Variants in IKBKB-DT observed in about 807,000 individuals in gnomAD.
IKBKB-DT encodes IKBKB divergent transcript, also known as IKBKB antisense RNA.
chr8:42,239,172 C>T (rs1485429424), intron 3 of IKBKB-DT, among the ~76,000 whole-genome samples: 2 of 152,030 alleles, frequency 1.3e-5, no homozygotes, highest in African/African-American at 4.8e-5. Context: ...AGTCTAATGC[C>T]CCAAAAGTCC....
At chr8:42,259,172 T>C (rs992325080) in intron 3 of IKBKB-DT, among the ~76,000 whole-genome samples, 2 of 152,060 alleles carry the variant, frequency 1.3e-5, no homozygotes, top group Non-Finnish European at 2.9e-5. Context: ...ATTAAAGGCA[T>C]GCACCACCAT....
intron 3 of IKBKB-DT, among the ~76,000 whole-genome samples, chr8:42,236,042 C>A (rs1043886252): frequency 2.6e-5 from 4 of 151,624 alleles, no homozygotes; most frequent in African/African-American, 7.3e-5. Flanking sequence ...ACAACAACAA[C>A]AAAAAACAAA....
intron 3 of IKBKB-DT, among the ~76,000 whole-genome samples, chr8:42,254,386 C>G (rs1807167219): frequency 6.6e-6 from 1 of 152,214 alleles, no homozygotes; most frequent in African/African-American, 2.4e-5. Context: ...GGCCACTGCC[C>G]CATCTGGGAA....
intron 3 of IKBKB-DT, among the ~76,000 whole-genome samples, chr8:42,241,967 A>G (rs932621950): frequency 6.6e-6 from 1 of 152,204 alleles, no homozygotes; most frequent in Non-Finnish European, 1.5e-5. Flanking sequence ...TAATCCCAAC[A>G]GTTTGGGAGG....
intron 2 of IKBKB-DT, among the ~76,000 whole-genome samples, chr8:42,265,019 C>A (rs951004967): frequency 6.6e-6 from 1 of 150,436 alleles, no homozygotes; most frequent in Non-Finnish European, 1.5e-5. Flanking sequence ...CTTGCCACCA[C>A]GCCCAGCTAA....
intron 3 of IKBKB-DT, among the ~76,000 whole-genome samples, chr8:42,243,008 G>A (rs1274119094): frequency 1.3e-5 from 2 of 152,228 alleles, no homozygotes; most frequent in Admixed American, 1.3e-4. Context: ...AGGGGAAGAA[G>A]CATAGGCTTC....
At chr8:42,247,582 A>G (rs945373231) in intron 3 of IKBKB-DT, among the ~76,000 whole-genome samples, 1 of 152,136 alleles carries the variant, frequency 6.6e-6, no homozygotes, top group African/African-American at 2.4e-5. Flanking sequence ...GAGGGGCCGG[A>G]GCAGAATGAT....
At chr8:42,241,473 C>T (rs1807003440) in intron 3 of IKBKB-DT, among the ~76,000 whole-genome samples, 1 of 151,994 alleles carries the variant, frequency 6.6e-6, no homozygotes, top group Non-Finnish European at 1.5e-5. Flanking sequence ...TTTTCGTACA[C>T]TTTACTGCTT....
chr8:42,265,646 A>C (rs1436440522), exon 2 of IKBKB-DT: 1 of 152,258 alleles, frequency 6.6e-6, no homozygotes, highest in Non-Finnish European at 1.5e-5. Context: ...ACACCGGCCC[A>C]TAGCCTTTGT....
At chr8:42,260,483 G>A (rs909719215) in intron 3 of IKBKB-DT, among the ~76,000 whole-genome samples, 4 of 151,848 alleles carry the variant, frequency 2.6e-5, no homozygotes, top group Non-Finnish European at 5.9e-5. Context: ...GACCAACATG[G>A]TGAAACTCCG....
intron 3 of IKBKB-DT, among the ~76,000 whole-genome samples, chr8:42,250,890 A>T (rs1054400241): frequency 1.3e-5 from 2 of 152,164 alleles, no homozygotes; most frequent in Non-Finnish European, 2.9e-5. Context: ...CTCACAAACA[A>T]ACAAAAAAAC....
intron 3 of IKBKB-DT, among the ~76,000 whole-genome samples, chr8:42,249,793 T>C (rs919020036): frequency 6.6e-6 from 1 of 152,202 alleles, no homozygotes; most frequent in East Asian, 1.9e-4. Context: ...TAAGACATTA[T>C]GGGATGGGCA....
intron 3 of IKBKB-DT, among the ~76,000 whole-genome samples, chr8:42,256,288 G>A (rs527238098): frequency 1.3e-4 from 19 of 151,922 alleles, no homozygotes; most frequent in Admixed American, 2.6e-4. Context: ...TCAGTCGGGC[G>A]TGGTGGCTCA....
chr8:42,257,939 T>G (rs1807229152), intron 3 of IKBKB-DT, among the ~76,000 whole-genome samples: 1 of 151,962 alleles, frequency 6.6e-6, no homozygotes, highest in Admixed American at 6.6e-5. Flanking sequence ...TCTTTTTTTT[T>G]TTTTTAGCTT....
At chr8:42,262,852 C>A (rs1001709525) in intron 3 of IKBKB-DT, among the ~76,000 whole-genome samples, 2 of 152,038 alleles carry the variant, frequency 1.3e-5, no homozygotes, top group Non-Finnish European at 2.9e-5. Context: ...GATCCTCCTG[C>A]CTCAGCCTCC....
chr8:42,270,867 G>A, exon 1 of IKBKB-DT: 1 of 160,552 alleles, frequency 6.2e-6, no homozygotes, highest in South Asian at 1.4e-4. Flanking sequence ...AGTCAGCTGT[G>A]ATTGATCCTT....
chr8:42,264,303 C>T (rs542901185), intron 2 of IKBKB-DT, among the ~76,000 whole-genome samples: 5 of 151,850 alleles, frequency 3.3e-5, no homozygotes, highest in Non-Finnish European at 7.4e-5. Context: ...ACTACAGGCA[C>T]GACACCACAC....
intron 3 of IKBKB-DT, among the ~76,000 whole-genome samples, chr8:42,254,723 C>T (rs572430462): frequency 1.3e-5 from 2 of 149,294 alleles, no homozygotes; most frequent in South Asian, 2.1e-4. Flanking sequence ...AGCACCACTG[C>T]CCAGCTTCCC....
chr8:42,247,611 C>T (rs979414477), intron 3 of IKBKB-DT, among the ~76,000 whole-genome samples: 1 of 152,236 alleles, frequency 6.6e-6, no homozygotes, highest in South Asian at 2.1e-4. Context: ...GCTTTGTGTA[C>T]CCACCCAAAT....
Sources: allele counts gnomAD v4.1 joint callset (sites outside exome capture counted in the v4.1 genomes callset), GRCh38; gene constraint gnomAD v4.1.1; transcripts MANE v1.5; gene names NCBI Gene and HGNC (gene_info 2026-07-23, HGNC 2026-07-21).